PCDHB4: variants seen among roughly 807,000 people sequenced by gnomAD.
PCDHB4 encodes protocadherin beta-4.
For missense variants in PCDHB4, 1,063 were observed against 1,007.0 expected, an observed-to-expected ratio of 1.06 and a Z score of -0.75; for synonymous variants, 482 against 447.3, an observed-to-expected ratio of 1.08 and a Z score of -0.98.
Position 141,122,943 on chromosome 5 carries a change from T to C in PCDHB4, c.945T>C (p.His315=). 6.2e-7 allele frequency: 1 copy of C among 1,611,548 alleles called. No individual in the cohort carries two copies. Among genetic ancestry groups the C allele is most frequent in the Non-Finnish European group, 8.5e-7 (1 of 1,179,360 alleles). ...ATTTCGAAAAAATTAAATCTTACCATGTAGAAATTGAGGCCACAGATGGAG... is the reference window on the plus strand; with the variant it reads ...ATTTCGAAAAAATTAAATCTTACCACGTAGAAATTGAGGCCACAGATGGAG... The part of the protein sequence containing the change: ...KLDFEKIKSY[H]VEIEATDGGG... Residue 315 remains histidine (H), a synonymous_variant, in exon 1 of 1, where the codon CAT becomes CAC. Coordinates refer to ENST00000194152, the MANE Select transcript of PCDHB4 (RefSeq NM_018938.4).
rs1752298438 is a variant in PCDHB4, at chr5:141,122,215, C to G, written c.217C>G (p.Arg73Gly). The G allele has an allele frequency of 3.1e-6, 5 of 1,614,004 alleles. No individual in the cohort carries two copies. Among genetic ancestry groups the G allele is most frequent in the African/African-American group, 1.3e-5 (1 of 74,918 alleles). ...GGTGCTGTCTGACGATGACAAGCAG[C>G]GTTTGCAGCTGGATCGTCAGACTGG... ...ARVLSDDDKQ[R>G]LQLDRQTGDL... Residue 73 changes from arginine (R) to glycine (G), a missense_variant, in exon 1 of 1, where the codon CGT becomes GGT. Physicochemically the swap from Arg to Gly is moderately radical, Grantham distance 125 (BLOSUM62 -2). Transcript: ENST00000194152.
chr5:141,122,981 G>A lies in PCDHB4; in HGVS notation c.983G>A (p.Gly328Glu). 1.2e-6 allele frequency: 2 copies of A among 1,613,522 alleles called. No individual in the cohort carries two copies. The highest frequency in any genetic ancestry group is 2.2e-5 in the East Asian group (1 of 44,880). Residue 328 changes from glycine (G) to glutamate (E), a missense_variant, in exon 1 of 1, where the codon GGA becomes GAA. Coordinates refer to ENST00000194152, the MANE Select transcript of PCDHB4 (RefSeq NM_018938.4). ...GCCACAGATGGAGGAGGCCTTTCTG[G>A]AAAAGGCACTGTAGTCATAGAGGTG... ...IEATDGGGLS[G>E]KGTVVIEVVD...
rs1588318468 is a variant in PCDHB4, at chr5:141,124,129, C to G, written c.2131C>G (p.Arg711Gly). Residue 711 changes from arginine to glycine, a missense_variant, in exon 1 of 1, where the codon CGG becomes GGG. Coordinates refer to ENST00000194152, the MANE Select transcript of PCDHB4 (RefSeq NM_018938.4). ...LFSVLLFVAVRLCRRSRAASV... is the reference protein window; with the variant it reads ...LFSVLLFVAVGLCRRSRAASV... ...CTCGGTGCTCCTGTTCGTGGCGGTG[C>G]GGCTGTGCAGGAGGAGCAGGGCGGC... 1 of 1,611,284 alleles carries G rather than the reference C, an allele frequency of 6.2e-7. No homozygotes were observed. The highest frequency in any genetic ancestry group is 8.5e-7 in the Non-Finnish European group (1 of 1,179,892).
rs1392306340 is a variant in PCDHB4, at chr5:141,124,221, CG to C, written c.2226del (p.Thr743ProfsTer12). The C allele has an allele frequency of 2.9e-5, 47 of 1,614,012 alleles. No individual in the cohort carries two copies. Among genetic ancestry groups the C allele is most frequent in the Non-Finnish European group, 3.7e-5 (44 of 1,180,042 alleles). The stretch of plus-strand genomic sequence containing the variant: ...GGCATCTGGTGGACGTAAGCGGCAC[CG>C]GGACCCTGTCCCAGAGCTACCAGTA... ...PGHLVDVSGT[G>X]TLSQSYQYEV... On this transcript the variant is annotated frameshift_variant, in exon 1 of 1. Coordinates refer to ENST00000194152, the MANE Select transcript of PCDHB4 (RefSeq NM_018938.4). LOFTEE classifies it low-confidence loss of function (END_TRUNC).
Position 141,123,046 on chromosome 5 carries a change from T to G in PCDHB4, c.1048T>G (p.Ser350Ala). Residue 350 changes from serine (S) to alanine (A), a missense_variant, in exon 1 of 1, where the codon TCA (serine) becomes GCA (alanine). Coordinates refer to ENST00000194152, the MANE Select transcript of PCDHB4 (RefSeq NM_018938.4). ...NDNPPELIISSLTSSIPENAP... is the reference protein window; with the variant it reads ...NDNPPELIISALTSSIPENAP... Reference sequence around the variant, plus strand: ...CAATCCCCCAGAACTTATCATATCTTCACTCACCAGCTCCATCCCAGAAAA... The same window carrying G: ...CAATCCCCCAGAACTTATCATATCTGCACTCACCAGCTCCATCCCAGAAAA... 1 of 1,613,956 alleles carries G rather than the reference T, an allele frequency of 6.2e-7. No individual in the cohort carries two copies. Among genetic ancestry groups the G allele is most frequent in the African/African-American group, 1.3e-5 (1 of 75,010 alleles).
Position 141,123,611 on chromosome 5 carries a change from C to A in PCDHB4, c.1613C>A (p.Pro538Gln). ...FRVGASDRGS[P>Q]ALSSEALVRV... ...GTGGGCGCCTCAGACCGCGGTTCTC[C>A]GGCTTTGAGCAGCGAGGCGCTGGTG... The change falls in exon 1 of 1, where the codon CCG becomes CAG. Residue 538 changes from proline to glutamine, a missense_variant. Transcript: ENST00000194152. 5 of 1,612,168 alleles carry A rather than the reference C, an allele frequency of 3.1e-6. No individual in the cohort carries two copies. The highest frequency in any genetic ancestry group is 1.1e-5 in the South Asian group (1 of 90,992).
chr5:141,124,020 G>A lies in PCDHB4; in HGVS notation c.2022G>A (p.Glu674=), dbSNP rs2149627262. ...CCCAGCCCTACCTGCCTCTCCCTGAGGCGGCCCCGGCCCAGGCCCAGGCCG... is the reference window on the plus strand; with the variant it reads ...CCCAGCCCTACCTGCCTCTCCCTGAAGCGGCCCCGGCCCAGGCCCAGGCCG... ...GFSQPYLPLP[E]AAPAQAQADS... is the part of the protein sequence containing the mutation. The change falls in exon 1 of 1, where the codon GAG becomes GAA. Residue 674 remains glutamate, a synonymous_variant. Transcript: ENST00000194152. The A allele has an allele frequency of 6.2e-7, 1 of 1,605,714 alleles. No individual in the cohort carries two copies. The highest frequency in any genetic ancestry group is 2.2e-5 in the East Asian group (1 of 44,862).
At position 141,122,770 on chromosome 5, in the gene PCDHB4, T is replaced by C. The variant is rs146530843; in HGVS notation, c.772T>C (p.Ser258Pro). 1.3e-4 allele frequency: 214 copies of C among 1,614,074 alleles called. No homozygotes were observed. In the African/African-American group the frequency reaches 1.7e-3, roughly 13 times the overall value. Reference protein sequence around the residue: ...VQVLENSPLDSPIVRVLARDI... With the variant: ...VQVLENSPLDPPIVRVLARDI... ...GGTCCTGGAAAACAGCCCCCTAGAC[T>C]CTCCAATTGTTAGGGTCTTAGCTAG... The change falls in exon 1 of 1, where the codon TCT becomes CCT. Residue 258 changes from serine (S) to proline (P), a missense_variant. By Grantham distance (74) the Ser-to-Pro change is moderately conservative. Coordinates refer to ENST00000194152, the MANE Select transcript of PCDHB4 (RefSeq NM_018938.4).
Position 141,123,314 on chromosome 5 carries a change from A to G in PCDHB4, c.1316A>G (p.Gln439Arg), listed in dbSNP as rs529745871. 2 of 1,614,204 alleles carry G rather than the reference A, an allele frequency of 1.2e-6. No homozygotes were observed. Among genetic ancestry groups the G allele is most frequent in the Non-Finnish European group, 1.7e-6 (2 of 1,180,046 alleles). ...RLKTQQNITV[Q>R]VSDVNDNAPA... ...AAAACCCAGCAGAACATAACCGTGC[A>G]GGTCTCCGACGTCAATGACAACGCC... Residue 439 changes from glutamine to arginine, a missense_variant, in exon 1 of 1, where the codon CAG becomes CGG. Transcript: ENST00000194152.
Position 141,124,232 on chromosome 5 carries a change from C to G in PCDHB4, c.2234C>G (p.Ser745Cys), listed in dbSNP as rs1752371670. ...GACGTAAGCGGCACCGGGACCCTGT[C>G]CCAGAGCTACCAGTACGAGGTGTGT... is the stretch of plus-strand genomic sequence containing the variant. ...LVDVSGTGTL[S>C]QSYQYEVCLT... Residue 745 changes from serine (S) to cysteine (C), a missense_variant, in exon 1 of 1, where the codon TCC (serine) becomes TGC (cysteine). Transcript: ENST00000194152. 6.2e-7 allele frequency: 1 copy of G among 1,614,072 alleles called. No homozygotes were observed. Among genetic ancestry groups the G allele is most frequent in the African/African-American group, 1.3e-5 (1 of 74,948 alleles).
chr5:141,122,631 C>G lies in PCDHB4; in HGVS notation c.633C>G (p.Leu211=). The G allele has an allele frequency of 6.2e-7, 1 of 1,614,180 alleles. No individual in the cohort carries two copies. The highest frequency in any genetic ancestry group is 1.3e-5 in the African/African-American group (1 of 75,056). ...AGCAGCCTGAGTTCAGCTTAACCCT[C>G]GTGGCGCTGGATGGTGGGTCACCAC... ...REEQPEFSLT[L]VALDGGSPPR... is the part of the protein sequence containing the mutation. The change falls in exon 1 of 1, where the codon CTC becomes CTG. Residue 211 remains leucine, a synonymous_variant. Transcript: ENST00000194152.
chr5:141,122,624 T>C lies in PCDHB4; in HGVS notation c.626T>C (p.Leu209Ser). 1 of 1,614,204 alleles carries C rather than the reference T, an allele frequency of 6.2e-7. No homozygotes were observed. The highest frequency in any genetic ancestry group is 8.5e-7 in the Non-Finnish European group (1 of 1,180,024). The change falls in exon 1 of 1, where the codon TTA (leucine) becomes TCA (serine). Residue 209 changes from leucine to serine, a missense_variant. Physicochemically the swap from Leu to Ser is moderately radical, Grantham distance 145. Coordinates refer to ENST00000194152, the MANE Select transcript of PCDHB4 (RefSeq NM_018938.4). ...CGAGAGGAGCAGCCTGAGTTCAGCT[T>C]AACCCTCGTGGCGCTGGATGGTGGG... The part of the protein sequence containing the change: ...LDREEQPEFS[L>S]TLVALDGGSP...
In PCDHB4 at chr5:141,123,941, A is replaced by G; in HGVS notation, c.1943A>G (p.Glu648Gly). The G allele has an allele frequency of 6.2e-7, 1 of 1,604,684 alleles. No individual in the cohort carries two copies. Among genetic ancestry groups the G allele is most frequent in the Non-Finnish European group, 8.5e-7 (1 of 1,179,684 alleles). Residue 648 changes from glutamate to glycine, a missense_variant, in exon 1 of 1, where the codon GAG becomes GGG. Glu to Gly is a moderately conservative substitution (Grantham distance 98). Transcript: ENST00000194152. Reference sequence around the variant, plus strand: ...GTGGTGCTTGTCAAGGACAATGGCGAGCCTCCGCGCTCGGCCACCGCCACG... The same window carrying G: ...GTGGTGCTTGTCAAGGACAATGGCGGGCCTCCGCGCTCGGCCACCGCCACG... ...RLVVLVKDNG[E>G]PPRSATATLH...
Position 141,122,999 on chromosome 5 carries a change from T to A in PCDHB4, c.1001T>A (p.Ile334Lys). 1 of 1,614,024 alleles carries A rather than the reference T, an allele frequency of 6.2e-7. No homozygotes were observed. Among genetic ancestry groups the A allele is most frequent in the East Asian group, 2.2e-5 (1 of 44,872 alleles). The stretch of plus-strand genomic sequence containing the variant: ...CTTTCTGGAAAAGGCACTGTAGTCA[T>A]AGAGGTGGTGGATGTGAATGACAAT... ...GGLSGKGTVVIEVVDVNDNPP... is the reference protein window; with the variant it reads ...GGLSGKGTVVKEVVDVNDNPP... The change falls in exon 1 of 1, where the codon ATA becomes AAA. Residue 334 changes from isoleucine to lysine, a missense_variant. Ile to Lys is a moderately radical substitution (Grantham distance 102). Coordinates refer to ENST00000194152, the MANE Select transcript of PCDHB4 (RefSeq NM_018938.4).
In PCDHB4 at chr5:141,122,610, G is replaced by A; in HGVS notation, c.612G>A (p.Gln204=). 1 of 1,614,204 alleles carries A rather than the reference G, an allele frequency of 6.2e-7. No individual in the cohort carries two copies. Residue 204 remains glutamine, a synonymous_variant, in exon 1 of 1, where the codon CAG becomes CAA. Coordinates refer to ENST00000194152, the MANE Select transcript of PCDHB4 (RefSeq NM_018938.4). Reference sequence around the variant, plus strand: ...ACAAACCACTGGATCGAGAGGAGCAGCCTGAGTTCAGCTTAACCCTCGTGG... The same window carrying A: ...ACAAACCACTGGATCGAGAGGAGCAACCTGAGTTCAGCTTAACCCTCGTGG... ...VQDKPLDREE[Q]PEFSLTLVAL...
Position 141,121,882 on chromosome 5 carries a change from A to C in PCDHB4, c.-117A>C, listed in dbSNP as rs1381560645. 1.4e-6 allele frequency: 1 copy of C among 711,840 alleles called. No individual in the cohort carries two copies. Among genetic ancestry groups the C allele is most frequent in the East Asian group, 2.7e-5 (1 of 36,724 alleles). 44.1% of individuals were successfully genotyped at this position (711,840 alleles called of 1,614,324 possible). A position where few individuals can be genotyped will look rare whatever the true frequency, so the allele number is the denominator to read the frequency against. On this transcript the variant is annotated 5_prime_UTR_variant, in exon 1 of 1. Coordinates refer to ENST00000194152, the MANE Select transcript of PCDHB4 (RefSeq NM_018938.4). ...GGCTTGGGGCAGCGATATACTAAAC[A>C]AATTTAATATTAAAAGCAACTGTGT...
chr5:141,122,378 A>G lies in PCDHB4; in HGVS notation c.380A>G (p.Asp127Gly). ...QGELLIQDINDHSPIFPEREV... is the reference protein window; with the variant it reads ...QGELLIQDINGHSPIFPEREV... ...GAATTATTGATCCAGGACATAAATG[A>G]TCACTCTCCAATATTCCCTGAAAGG... The change falls in exon 1 of 1, where the codon GAT (aspartate) becomes GGT (glycine). Residue 127 changes from aspartate to glycine, a missense_variant. Asp to Gly is a moderately conservative substitution (Grantham distance 94). Transcript: ENST00000194152. 1 of 1,614,186 alleles carries G rather than the reference A, an allele frequency of 6.2e-7. No individual in the cohort carries two copies. Among genetic ancestry groups the G allele is most frequent in the Non-Finnish European group, 8.5e-7 (1 of 1,180,038 alleles).
In PCDHB4 at chr5:141,124,179, C is replaced by A. The variant is rs1554274739; in HGVS notation, c.2181C>A (p.Pro727=). The A allele has an allele frequency of 6.2e-7, 1 of 1,613,354 alleles. No individual in the cohort carries two copies. Among genetic ancestry groups the A allele is most frequent in the South Asian group, 1.1e-5 (1 of 91,012 alleles). ...CCTCGGTGGGTCGCTGCTCGGTGCC[C>A]GAGGGCCCCTTTCCAGGGCATCTGG... is the stretch of plus-strand genomic sequence containing the variant. ...RAASVGRCSV[P]EGPFPGHLVD... Residue 727 remains proline (P), a synonymous_variant, in exon 1 of 1, where the codon CCC becomes CCA. Transcript: ENST00000194152.
In PCDHB4 at chr5:141,123,696, T is replaced by G. The variant is rs535776973; in HGVS notation, c.1698T>G (p.Asn566Lys). The G allele has an allele frequency of 1.4e-5, 22 of 1,610,416 alleles. No individual in the cohort carries two copies. The East Asian group carries it at 4.9e-4, about 36-fold the overall frequency. ...CCTTCGTGCTGTACCCGCTGCAGAA[T>G]GGCTCCGCGCCCTGCACCGAGCTGG... ...NSPFVLYPLQNGSAPCTELVP... is the reference protein window; with the variant it reads ...NSPFVLYPLQKGSAPCTELVP... The change falls in exon 1 of 1, where the codon AAT becomes AAG. Residue 566 changes from asparagine (N) to lysine (K), a missense_variant. Transcript: ENST00000194152.
Sources: allele counts gnomAD v4.1 joint callset, GRCh38; gene constraint gnomAD v4.1.1; transcripts MANE v1.5; gene names NCBI Gene and HGNC (gene_info 2026-07-23, HGNC 2026-07-21).